TP53BP2: variants seen among roughly 807,000 people sequenced by gnomAD.
TP53BP2 encodes the protein apoptosis-stimulating of p53 protein 2.
In TP53BP2, 62 loss-of-function variants were observed where a neutral mutation model predicts 126.2. The ratio of observed to expected loss-of-function variants is 0.49; its 90% confidence interval spans 0.40 to 0.61. TP53BP2 has a LOEUF of 0.61. TP53BP2 is among the 20% of genes least tolerant of loss of function. The probability of loss-of-function intolerance (pLI) is 0.00; values close to 1 mark genes in which losing one functional copy is unlikely to be tolerated. For missense variants in TP53BP2, 1,215 were observed against 1,402.8 expected, an observed-to-expected ratio of 0.87 and a Z score of 2.14; for synonymous variants, 485 against 502.9, an observed-to-expected ratio of 0.96 and a Z score of 0.48.
At chr1:223,788,380 T>C (rs992084439) in intron 16 of TP53BP2, among the ~76,000 whole-genome samples, 1 of 152,186 alleles carries the variant, frequency 6.6e-6, no homozygotes, top group Non-Finnish European at 1.5e-5. Context: ...GAGGAAAATT[T>C]ACCTCAACTT....
rs1169741956 is a variant in TP53BP2, at chr1:223,792,499, A to G, written c.2886T>C (p.Asn962=). The change falls in exon 15 of 18, where the codon AAT becomes AAC. Residue 962 remains asparagine (N), a synonymous_variant. Transcript: ENST00000343537. ...IYEVDDPSLP[N]DEGITALHNA... ...TGTGAAGAGCCGTGATGCCTTCATC[A>G]TTGGGGAGGCTTGGGTCATCAACCT... 6.2e-6 allele frequency: 10 copies of G among 1,614,044 alleles called. No individual in the cohort carries two copies. Among genetic ancestry groups the G allele is most frequent in the East Asian group, 4.5e-5 (2 of 44,868 alleles).
At chr1:223,819,788 G>C (rs1663236509) in intron 2 of TP53BP2, among the ~76,000 whole-genome samples, 1 of 152,174 alleles carries the variant, frequency 6.6e-6, no homozygotes, top group South Asian at 2.1e-4. Context: ...GAGGTTACCA[G>C]GAGCAGCTAG....
At chr1:223,831,481 AT>A (rs1241676667) in intron 1 of TP53BP2, among the ~76,000 whole-genome samples, 8,745 of 35,268 alleles carry the variant, frequency 0.25, 776 homozygotes, top group African/African-American at 0.29. Flanking sequence ...AAAAAAAAAA[AT>A]ATATATATAT....
chr1:223,808,354 A>G (rs1361317032), intron 4 of TP53BP2, among the ~76,000 whole-genome samples: 4 of 152,086 alleles, frequency 2.6e-5, no homozygotes, highest in African/African-American at 9.7e-5. Context: ...CAGCCTGACC[A>G]ATATGGTGAA....
chr1:223,809,729 T>C (rs1662845664), intron 4 of TP53BP2, among the ~76,000 whole-genome samples: 2 of 152,164 alleles, frequency 1.3e-5, no homozygotes, highest in African/African-American at 4.8e-5. Flanking sequence ...TAATCCCTAA[T>C]GGCACTAAAA....
At chr1:223,829,393 A>G (rs993357372) in intron 1 of TP53BP2, among the ~76,000 whole-genome samples, 1 of 152,202 alleles carries the variant, frequency 6.6e-6, no homozygotes, top group Non-Finnish European at 1.5e-5. Context: ...AATGAAAAAG[A>G]TGATTATGAA....
chr1:223,843,283 G>C (rs1664164061), intron 1 of TP53BP2, among the ~76,000 whole-genome samples: 2 of 151,570 alleles, frequency 1.3e-5, no homozygotes, highest in Admixed American at 1.3e-4. Flanking sequence ...AAGCAATTTT[G>C]CCTCAGCCTC....
chr1:223,803,244 A>G lies in TP53BP2; in HGVS notation c.831+27T>C, dbSNP rs1153932. On this transcript the variant is annotated intron_variant, in intron 7 of 17. Coordinates refer to ENST00000343537, the MANE Select transcript of TP53BP2 (RefSeq NM_001031685.3). Reference sequence around the variant, plus strand: ...TCTGTTTCTGGAAAGGAGGTTGTACAGCTTTTGGCAAACAGCTACGGTCTA... The same window carrying G: ...TCTGTTTCTGGAAAGGAGGTTGTACGGCTTTTGGCAAACAGCTACGGTCTA... 1.0e-3 allele frequency: 1,654 copies of G among 1,581,380 alleles called. 20 individuals carry two copies. The African/African-American group carries it at 0.02, about 19-fold the overall frequency.
intron 15 of TP53BP2, 141 bp from the exon 16 acceptor site, chr1:223,789,315 C>G: frequency 1.1e-6 from 1 of 870,792 alleles, no homozygotes; most frequent in Non-Finnish European, 1.7e-6. Flanking sequence ...TTTTAAAAAC[C>G]AGTTCAACAC....
In TP53BP2 at chr1:223,806,872, C is replaced by T; in HGVS notation, c.448G>A (p.Ala150Thr). 1 of 1,613,882 alleles carries T rather than the reference C, an allele frequency of 6.2e-7. No individual in the cohort carries two copies. Among genetic ancestry groups the T allele is most frequent in the Non-Finnish European group, 8.5e-7 (1 of 1,179,888 alleles). Reference protein sequence around the residue: ...MASRQQQQIEAQQQLLATKEQ... With the variant: ...MASRQQQQIETQQQLLATKEQ... The stretch of plus-strand genomic sequence containing the variant: ...TTAGTTGCCAGCAATTGTTGCTGGG[C>T]TTCAATCTGTTGCTGCTGGCGAGAT... The change falls in exon 5 of 18, where the codon GCC becomes ACC. Residue 150 changes from alanine (A) to threonine (T), a missense_variant. This residue lies in a region of TP53BP2 where 814 missense variants were observed against 853.0 expected (regional missense o/e 0.95). Coordinates refer to ENST00000343537, the MANE Select transcript of TP53BP2 (RefSeq NM_001031685.3).
intron 1 of TP53BP2, chr1:223,845,303 G>C (rs183256666): frequency 2.0e-4 from 194 of 972,660 alleles, no homozygotes; most frequent in Non-Finnish European, 2.3e-4. Context: ...AAGGTCCCCG[G>C]TTCCCGTATT....
In TP53BP2 at chr1:223,790,811, G is replaced by T. The variant is rs529519638; in HGVS notation, c.2996+1578C>A. 3.3e-5 allele frequency among the ~76,000 whole-genome samples: 5 copies of T among 151,968 alleles called. No individual in the cohort carries two copies. In the South Asian group the frequency reaches 8.3e-4, roughly 25 times the overall value. Reference sequence around the variant, plus strand: ...TATAGAGACAGGGTCTCTCTCTGTTGCCCAGGCTGATCTCAAACTCCTGGG... The same window carrying T: ...TATAGAGACAGGGTCTCTCTCTGTTTCCCAGGCTGATCTCAAACTCCTGGG... On this transcript the variant is annotated intron_variant, in intron 15 of 17. Transcript: ENST00000343537.
At chr1:223,822,194 G>A (rs1663336317) in intron 1 of TP53BP2, among the ~76,000 whole-genome samples, 1 of 151,818 alleles carries the variant, frequency 6.6e-6, no homozygotes, top group East Asian at 1.9e-4. Context: ...GATTACAGGC[G>A]TGAGCCACTG....
chr1:223,782,979 G>A (rs1661823609), intron 17 of TP53BP2, among the ~76,000 whole-genome samples: 1 of 152,196 alleles, frequency 6.6e-6, no homozygotes, highest in South Asian at 2.1e-4. Context: ...GTGGAAGGGA[G>A]AGTCAGGGAG....
chr1:223,811,758 T>G, intron 3 of TP53BP2, among the ~76,000 whole-genome samples: 1 of 152,180 alleles, frequency 6.6e-6, no homozygotes. Flanking sequence ...CCAAAAACAG[T>G]AAGTTAACAC....
intron 3 of TP53BP2, among the ~76,000 whole-genome samples, chr1:223,812,616 G>A (rs1413393130): frequency 6.6e-6 from 1 of 151,944 alleles, no homozygotes; most frequent in Non-Finnish European, 1.5e-5. Flanking sequence ...GCTGCAGTGC[G>A]TGGTGCCATC....
At chr1:223,807,105 T>C (rs920882067) in intron 4 of TP53BP2, among the ~76,000 whole-genome samples, 158 bp from the exon 5 acceptor site, 6 of 152,250 alleles carry the variant, frequency 3.9e-5, no homozygotes, top group African/African-American at 1.4e-4. Context: ...CCATTAATTC[T>C]TATATTAATA....
At chr1:223,837,584 T>A (rs1018659770) in intron 1 of TP53BP2, among the ~76,000 whole-genome samples, 22 of 151,646 alleles carry the variant, frequency 1.5e-4, no homozygotes, top group Admixed American at 1.1e-3. Flanking sequence ...TCACAACCAA[T>A]TCTGTCAGCT....
intron 1 of TP53BP2, among the ~76,000 whole-genome samples, chr1:223,834,027 A>G (rs372733811): frequency 5.3e-5 from 8 of 152,306 alleles, no homozygotes; most frequent in African/African-American, 1.9e-4. Context: ...CATCTGAAGG[A>G]AGACATTTCA....
Sources: gnomAD v4.1 joint callset for allele counts (sites outside exome capture counted in the v4.1 genomes callset) on GRCh38, gnomAD v4.1.1 for gene constraint, gnomAD v4.1.1 regional missense constraint, MANE v1.5 for transcripts, NCBI Gene and HGNC (gene_info 2026-07-23, HGNC 2026-07-21) for gene names.